Variants in USH2A observed in about 807,000 individuals in gnomAD.
The protein encoded by USH2A is usherin, also known as Usher syndrome 2A (autosomal recessive, mild).
USH2A carries 443 observed loss-of-function variants against 538.9 expected under a neutral mutation model. The ratio of observed to expected loss-of-function variants is 0.82; its 90% confidence interval spans 0.76 to 0.89. USH2A has a LOEUF of 0.89. Among genes scored for constraint, USH2A ranks in the 40% least tolerant of loss-of-function variants. The pLI is 0.00. For missense variants in USH2A, 6,633 were observed against 6,324.8 expected, an observed-to-expected ratio of 1.05 and a Z score of -1.65; for synonymous variants, 2,413 against 2,273.5, an observed-to-expected ratio of 1.06 and a Z score of -1.75.
At chr1:215,787,346 T>A (rs183926832) in intron 51 of USH2A, among the ~76,000 whole-genome samples, 70 of 152,350 alleles carry the variant, frequency 4.6e-4, no homozygotes, top group African/African-American at 1.6e-3. Context: ...ATGTGATATT[T>A]GAGAATTTAC....
At chr1:215,768,386 T>A (rs1317881344) in intron 55 of USH2A, among the ~76,000 whole-genome samples, 1 of 152,232 alleles carries the variant, frequency 6.6e-6, no homozygotes, top group Non-Finnish European at 1.5e-5. Flanking sequence ...CCATTTAGAA[T>A]GAGAGCAGTA....
intron 21 of USH2A, among the ~76,000 whole-genome samples, chr1:216,098,542 C>T (rs868222337): frequency 2.4e-4 from 37 of 152,182 alleles, no homozygotes; most frequent in African/African-American, 8.7e-4. Context: ...ACAGCAACTA[C>T]TCCAGAAGCC....
chr1:216,417,620 T>C (rs749496013), intron 3 of USH2A, among the ~76,000 whole-genome samples: 1 of 152,124 alleles, frequency 6.6e-6, no homozygotes, highest in Non-Finnish European at 1.5e-5. Flanking sequence ...CCTCCCTTTC[T>C]TTCTTTTCCT....
chr1:215,859,785 T>C (rs1248310378), intron 44 of USH2A, among the ~76,000 whole-genome samples: 1 of 152,198 alleles, frequency 6.6e-6, no homozygotes, highest in Non-Finnish European at 1.5e-5. Context: ...TTAAAAGTTA[T>C]CCTGCAACAG....
chr1:215,625,845 T>G lies in USH2A; in HGVS notation c.15545A>C (p.Asn5182Thr). Residue 5182 changes from asparagine (N) to threonine (T), a missense_variant, in exon 72 of 72, where the codon AAC becomes ACC. Physicochemically the swap from Asn to Thr is moderately conservative, Grantham distance 65. Coordinates refer to ENST00000307340, the MANE Select transcript of USH2A (RefSeq NM_206933.4). ...GLYVDEEDLM[N>T]AIKDFSSVTK... is the part of the protein sequence containing the mutation. ...CACTGAGCTGAAATCCTTGATGGCG[T>G]TCATCAGGTCCTCTTCATCCACATA... 4 of 1,614,116 alleles carry G rather than the reference T, an allele frequency of 2.5e-6. No homozygotes were observed. The South Asian group carries it at 3.3e-5, about 13-fold the overall frequency.
chr1:215,730,489 A>G (rs1659962522), intron 60 of USH2A, among the ~76,000 whole-genome samples: 1 of 152,206 alleles, frequency 6.6e-6, no homozygotes, highest in Admixed American at 6.5e-5. Context: ...GAGAGTGATG[A>G]ATACAGTAAT....
intron 61 of USH2A, among the ~76,000 whole-genome samples, chr1:215,683,996 TGAA>T (rs2102675273): frequency 6.6e-6 from 1 of 152,308 alleles, no homozygotes; most frequent in South Asian, 2.1e-4. Flanking sequence ...AGGCAGCAGA[TGAA>T]GAAGATGACT....
At chr1:215,764,041 C>T (rs979328804) in intron 56 of USH2A, among the ~76,000 whole-genome samples, 3 of 151,876 alleles carry the variant, frequency 2.0e-5, no homozygotes, top group Admixed American at 6.6e-5. Flanking sequence ...AATTAAGTGG[C>T]GAAGTACTGA....
At chr1:215,634,772 TA>T in intron 69 of USH2A, 69 bp from the exon 70 acceptor site, 1 of 1,612,234 alleles carries the variant, frequency 6.2e-7, no homozygotes, top group Non-Finnish European at 8.5e-7. Flanking sequence ...CTGGCCCTGC[TA>T]TTTGATAGTA....
intron 5 of USH2A, among the ~76,000 whole-genome samples, chr1:216,326,029 G>C (rs530215805): frequency 1.3e-5 from 2 of 152,310 alleles, no homozygotes; most frequent in South Asian, 4.1e-4. Context: ...CCATGGGAAA[G>C]AAGTACGAAA....
intron 3 of USH2A, among the ~76,000 whole-genome samples, chr1:216,418,301 C>CT (rs1240270366): frequency 6.6e-6 from 1 of 151,978 alleles, no homozygotes; most frequent in East Asian, 1.9e-4. Context: ...TCTGTGAGAG[C>CT]TTTTACAGCA....
chr1:216,205,233 C>A (rs1437307225), intron 16 of USH2A, among the ~76,000 whole-genome samples: 1 of 152,150 alleles, frequency 6.6e-6, no homozygotes, highest in Non-Finnish European at 1.5e-5. Context: ...AAATCATTTT[C>A]AATATTTTTA....
intron 60 of USH2A, among the ~76,000 whole-genome samples, chr1:215,733,585 C>A (rs1660069294): frequency 1.3e-5 from 2 of 152,192 alleles, no homozygotes; most frequent in Admixed American, 6.5e-5. Context: ...CTCCTTTCAC[C>A]TATAAGCCTA....
intron 32 of USH2A, among the ~76,000 whole-genome samples, chr1:216,046,007 GT>G (rs2030503717): frequency 3.2e-4 from 1 of 3,174 alleles, no homozygotes; most frequent in African/African-American, 2.2e-3. Context: ...TATTTATCTG[GT>G]GTGTGTGTGT....
intron 9 of USH2A, among the ~76,000 whole-genome samples, chr1:216,313,949 T>C (rs373111083): frequency 1.3e-4 from 20 of 152,302 alleles, no homozygotes; most frequent in African/African-American, 4.8e-4. Flanking sequence ...TTTAGGATGC[T>C]GTTCTGTCTT....
Position 215,888,943 on chromosome 1 carries a change from T to C in USH2A, c.7706A>G (p.Tyr2569Cys). 2 of 1,614,174 alleles carry C rather than the reference T, an allele frequency of 1.2e-6. No homozygotes were observed. The highest frequency in any genetic ancestry group is 1.7e-6 in the Non-Finnish European group (2 of 1,180,016). The change falls in exon 41 of 72, where the codon TAT becomes TGT. Residue 2569 changes from tyrosine to cysteine, a missense_variant. Transcript: ENST00000307340. ...TCTCAAGTATAGACGGCCATGTAGA[T>C]AAATGTTATAATGGGTAATAACCCC... ...SNGVITHYNIYLHGRLYLRTP... is the reference protein window; with the variant it reads ...SNGVITHYNICLHGRLYLRTP...
At chr1:215,760,434 C>T (rs766217335) in intron 56 of USH2A, among the ~76,000 whole-genome samples, 10 of 152,002 alleles carry the variant, frequency 6.6e-5, no homozygotes, top group Non-Finnish European at 4.4e-5. Flanking sequence ...CTTCCAACAC[C>T]GGCTTCCCAG....
intron 38 of USH2A, among the ~76,000 whole-genome samples, chr1:215,906,680 G>A (rs1208186934): frequency 6.6e-6 from 1 of 151,792 alleles, no homozygotes; most frequent in Non-Finnish European, 1.5e-5. Context: ...ATCATAGCAG[G>A]GATTCCCATC....
chr1:216,347,909 C>T (rs1346169134), intron 4 of USH2A, among the ~76,000 whole-genome samples: 1 of 152,046 alleles, frequency 6.6e-6, no homozygotes, highest in Non-Finnish European at 1.5e-5. Context: ...ATAAAACTTT[C>T]AGTACTGATG....
Sources: allele counts gnomAD v4.1 joint callset (sites outside exome capture counted in the v4.1 genomes callset), GRCh38; gene constraint gnomAD v4.1.1; transcripts MANE v1.5; gene names NCBI Gene and HGNC (gene_info 2026-07-23, HGNC 2026-07-21).